Variants in DDX31 observed in about 807,000 individuals in gnomAD.
DDX31 encodes DEAD-box helicase 31.
A neutral mutation model predicts 91.3 loss-of-function variants in DDX31; 70 were observed. The observed-to-expected ratio is 0.77, with a 90% CI of 0.63 to 0.94. The LOEUF (loss-of-function observed/expected upper bound fraction) is 0.94. Among genes scored for constraint, DDX31 ranks in the 40% least tolerant of loss-of-function variants. The pLI, the probability that DDX31 is intolerant of heterozygous loss-of-function variation, is 0.00. For synonymous variants in DDX31, 362 were observed against 350.6 expected, an observed-to-expected ratio of 1.03 and a Z score of -0.36; for missense variants, 902 against 925.0, an observed-to-expected ratio of 0.98 and a Z score of 0.32.
intron 6 of DDX31, chr9:132,658,081 G>A: frequency 3.8e-6 from 2 of 529,812 alleles, no homozygotes; most frequent in East Asian, 2.8e-5. Context: ...AGCATGAATG[G>A]ATAGCTGCAA....
At chr9:132,651,052 A>T in intron 8 of DDX31, 23 bp downstream of exon 8, 1 of 1,601,630 alleles carries the variant, frequency 6.2e-7, no homozygotes. Flanking sequence ...GCAAGATGAA[A>T]TGGAACTCAT....
intron 16 of DDX31, among the ~76,000 whole-genome samples, chr9:132,626,798 C>T (rs934861667): frequency 6.6e-6 from 1 of 152,106 alleles, no homozygotes; most frequent in Non-Finnish European, 1.5e-5. Context: ...TGTGTCATCT[C>T]CCTGCACACC....
chr9:132,660,967 C>A (rs1220789487), intron 4 of DDX31: 1 of 499,990 alleles, frequency 2.0e-6, no homozygotes, highest in Non-Finnish European at 3.5e-6. Flanking sequence ...TGCAGCCCAC[C>A]TTCTGGATGA....
chr9:132,656,226 A>T (rs1390712917), intron 6 of DDX31, among the ~76,000 whole-genome samples: 2 of 152,204 alleles, frequency 1.3e-5, no homozygotes, highest in Non-Finnish European at 2.9e-5. Context: ...CCTCCAGATA[A>T]GCTTTTTACA....
At position 132,626,461 on chromosome 9, in the gene DDX31, C is replaced by T. The variant is rs113754191; in HGVS notation, c.1632-716G>A. On this transcript the variant is annotated intron_variant, in intron 16 of 19. Transcript: ENST00000372159. The stretch of plus-strand genomic sequence containing the variant: ...GAAAGCCTCCGCTTCATCCAATCAA[C>T]TGCAAGGCCACAGCATTTGAATGTA... 3.3e-3 allele frequency among the ~76,000 whole-genome samples: 499 copies of T among 152,320 alleles called. 2 individuals carry two copies. The highest frequency in any genetic ancestry group is 0.011 in the African/African-American group (472 of 41,568).
At chr9:132,614,339 G>A (rs1043227821) in intron 18 of DDX31, among the ~76,000 whole-genome samples, 14 of 151,700 alleles carry the variant, frequency 9.2e-5, no homozygotes, top group Admixed American at 4.6e-4. Context: ...AATCTTTAAC[G>A]CTTCAAATGG....
chr9:132,630,981 G>T (rs1295861652), intron 15 of DDX31, among the ~76,000 whole-genome samples: 1 of 152,264 alleles, frequency 6.6e-6, no homozygotes, highest in Non-Finnish European at 1.5e-5. Flanking sequence ...CCATTCTACA[G>T]AATGCGGGCA....
intron 14 of DDX31, chr9:132,637,921 CG>C (rs1193556449): frequency 1.9e-4 from 193 of 997,610 alleles, no homozygotes; most frequent in Admixed American, 8.0e-4. Context: ...TCTTCACAGC[CG>C]TATCTCCTTT....
chr9:132,647,827 A>T (rs1022659907), intron 11 of DDX31, among the ~76,000 whole-genome samples: 8 of 152,132 alleles, frequency 5.3e-5, no homozygotes, highest in Non-Finnish European at 1.0e-4. Context: ...TGATTACATT[A>T]AAAATGCACT....
chr9:132,609,964 C>G (rs1403894114), intron 19 of DDX31, among the ~76,000 whole-genome samples: 2 of 152,224 alleles, frequency 1.3e-5, no homozygotes, highest in Non-Finnish European at 2.9e-5. Context: ...ATCTCTTCCT[C>G]TGCTCTCAAA....
intron 17 of DDX31, among the ~76,000 whole-genome samples, chr9:132,623,531 G>A (rs1245675549): frequency 4.3e-5 from 5 of 115,746 alleles, no homozygotes; most frequent in Non-Finnish European, 8.1e-5. Flanking sequence ...CCAGCCTGGC[G>A]ATAGAGCGAG....
intron 19 of DDX31, among the ~76,000 whole-genome samples, chr9:132,599,275 A>C (rs1449634032): frequency 6.6e-6 from 1 of 152,242 alleles, no homozygotes; most frequent in Non-Finnish European, 1.5e-5. Flanking sequence ...CAGGGCCAAA[A>C]ATCAGTAATG....
In DDX31 at chr9:132,653,494, C is replaced by CA. The variant is rs71376648; in HGVS notation, c.589-1003dup. Among the ~76,000 whole-genome samples the CA allele has an allele frequency of 1.6e-3, 33 of 20,640 alleles. 1 individual carries two copies. Among genetic ancestry groups the CA allele is most frequent in the African/African-American group, 2.0e-3 (22 of 11,258 alleles). 13.5% of individuals were successfully genotyped at this position (20,640 alleles called of 152,430 possible). On this transcript the variant is annotated intron_variant, in intron 6 of 19. Transcript: ENST00000372159. The stretch of plus-strand genomic sequence containing the variant: ...GGGCAACAAGTGAAAAACTCAGTCT[C>CA]AAAAAAAAAAAAAAAAAAAAAAAAA...
intron 15 of DDX31, among the ~76,000 whole-genome samples, chr9:132,631,541 A>T (rs964368794): frequency 6.6e-6 from 1 of 152,222 alleles, no homozygotes; most frequent in African/African-American, 2.4e-5. Flanking sequence ...CTGTAGACTA[A>T]TGAAAAGAAA....
chr9:132,644,293 G>A (rs1833679941), intron 13 of DDX31, among the ~76,000 whole-genome samples: 1 of 152,158 alleles, frequency 6.6e-6, no homozygotes, highest in African/African-American at 2.4e-5. Context: ...CTGAAAGACA[G>A]ATAAAAACAA....
chr9:132,663,124 C>A (rs1211253556), intron 1 of DDX31: 6 of 1,246,396 alleles, frequency 4.8e-6, no homozygotes, highest in African/African-American at 4.6e-5. Flanking sequence ...CGAATCTTTT[C>A]TCTCCACCAA....
At chr9:132,645,799 T>C (rs1219672240) in intron 13 of DDX31, 96 bp downstream of exon 13, 4 of 1,382,260 alleles carry the variant, frequency 2.9e-6, no homozygotes, top group South Asian at 2.9e-5. Flanking sequence ...TCGTAGCCAT[T>C]GCTGAGCCTA....
chr9:132,650,385 G>T (rs1369657518), intron 8 of DDX31, 87 bp from the exon 9 acceptor site: 23 of 1,287,692 alleles, frequency 1.8e-5, no homozygotes, highest in Non-Finnish European at 2.2e-6. Context: ...CCTTAAACAA[G>T]GCATGGGAGA....
At chr9:132,600,585 T>C (rs954243125) in intron 19 of DDX31, among the ~76,000 whole-genome samples, 3 of 152,066 alleles carry the variant, frequency 2.0e-5, no homozygotes, top group African/African-American at 4.8e-5. Flanking sequence ...TGGAAGGCCA[T>C]GCACATGATG....
Sources: allele counts gnomAD v4.1 joint callset (sites outside exome capture counted in the v4.1 genomes callset), GRCh38; gene constraint gnomAD v4.1.1; transcripts MANE v1.5; gene names NCBI Gene and HGNC (gene_info 2026-07-23, HGNC 2026-07-21).